The following PRMT9 variants were observed in gnomAD, a reference collection of about 807,000 sequenced individuals.
PRMT9 encodes the protein protein arginine N-methyltransferase 9.
PRMT9 carries 59 observed loss-of-function variants against 83.2 expected under a neutral mutation model. The ratio of observed to expected loss-of-function variants is 0.71; its 90% CI spans 0.57 to 0.88. The LOEUF (loss-of-function observed/expected upper bound fraction) is 0.88. PRMT9 is among the 40% of genes least tolerant of loss of function. The pLI, the probability that PRMT9 is intolerant of heterozygous loss-of-function variation, is 0.00. For synonymous variants in PRMT9, 333 were observed against 353.2 expected (o/e 0.94, Z 0.64); for missense variants, 947 against 1,021.9 (o/e 0.93, Z 1.00).
Position 147,680,447 on chromosome 4 carries a change from T to G in PRMT9, c.214A>C (p.Arg72=). The part of the protein sequence containing the change: ...VKETFQYTLF[R]WAEELDALSR... ...AGAGCATCAAGCTCTTCAGCCCATC[T>G]GAAAAGTGTGTACTGAAAAGTTTCC... is the stretch of plus-strand genomic sequence containing the variant. The change falls in exon 2 of 12, where the codon AGA becomes CGA. Residue 72 remains arginine (R), a synonymous_variant. Transcript: ENST00000322396. 6.2e-7 allele frequency: 1 copy of G among 1,614,042 alleles called. No individual in the cohort carries two copies. The highest frequency in any genetic ancestry group is 2.2e-5 in the East Asian group (1 of 44,880).
chr4:147,647,390 A>C (rs1458867156), intron 9 of PRMT9, among the ~76,000 whole-genome samples: 7 of 152,038 alleles, frequency 4.6e-5, no homozygotes, highest in African/African-American at 1.7e-4. Context: ...ATCCCCAACC[A>C]ATCAGCAGTA....
At position 147,683,861 on chromosome 4, in the gene PRMT9, T is replaced by C. The variant is rs1390479900; in HGVS notation, c.127A>G (p.Thr43Ala). 6.2e-7 allele frequency: 1 copy of C among 1,613,360 alleles called. No homozygotes were observed. The highest frequency in any genetic ancestry group is 1.3e-5 in the African/African-American group (1 of 74,800). ...ACGAGGAGGTAGTGGGCATAGGCAG[T>C]GCCGAAGTCCTGGACGCCCAGACAG... ...EHCLGVQDFG[T>A]AYAHYLLVLS... The change falls in exon 1 of 12, where the codon ACT (threonine) becomes GCT (alanine). Residue 43 changes from threonine to alanine, a missense_variant. Transcript: ENST00000322396.
chr4:147,652,504 G>T (rs898399428), intron 9 of PRMT9, among the ~76,000 whole-genome samples: 4 of 151,654 alleles, frequency 2.6e-5, no homozygotes, highest in African/African-American at 7.3e-5. Context: ...TGTACACATA[G>T]GATTTCATCA....
intron 6 of PRMT9, among the ~76,000 whole-genome samples, chr4:147,667,170 T>G (rs1387284286): frequency 3.9e-5 from 6 of 152,172 alleles, no homozygotes; most frequent in Admixed American, 6.5e-5. Flanking sequence ...GCCTGAAAAC[T>G]GTACATATTC....
At chr4:147,659,040 A>G (rs543300518) in intron 7 of PRMT9, among the ~76,000 whole-genome samples, 33 of 152,218 alleles carry the variant, frequency 2.2e-4, no homozygotes, top group East Asian at 5.8e-4. Flanking sequence ...GTAGTCGGGC[A>G]TGGTGGCGGG....
At chr4:147,648,202 C>T (rs931811005) in intron 9 of PRMT9, among the ~76,000 whole-genome samples, 1 of 152,082 alleles carries the variant, frequency 6.6e-6, no homozygotes, top group Non-Finnish European at 1.5e-5. Flanking sequence ...CTACCTAGCC[C>T]TAGGTTGGGG....
At chr4:147,673,525 C>G (rs958502660) in intron 3 of PRMT9, 113 bp downstream of exon 3, 2 of 799,652 alleles carry the variant, frequency 2.5e-6, no homozygotes, top group Non-Finnish European at 4.3e-6. Context: ...ATAACCCTAA[C>G]AAGATTATAA....
intron 8 of PRMT9, among the ~76,000 whole-genome samples, chr4:147,656,481 G>A (rs975952518): frequency 1.3e-5 from 2 of 152,004 alleles, no homozygotes; most frequent in African/African-American, 2.4e-5. Context: ...TTGTAGAAAT[G>A]AGGTCTTGCA....
intron 1 of PRMT9, among the ~76,000 whole-genome samples, chr4:147,682,558 C>A (rs1359699041): frequency 3.3e-5 from 5 of 151,906 alleles, no homozygotes; most frequent in African/African-American, 1.2e-4. Context: ...GATCCACCCG[C>A]CTCCGCCTCC....
At chr4:147,660,679 G>A (rs1427577681) in intron 7 of PRMT9, among the ~76,000 whole-genome samples, 167 bp downstream of exon 7, 2 of 152,024 alleles carry the variant, frequency 1.3e-5, no homozygotes, top group East Asian at 1.9e-4. Context: ...AAGGAAGAAA[G>A]CAAATAATTT....
intron 1 of PRMT9, among the ~76,000 whole-genome samples, 196 bp downstream of exon 1, chr4:147,683,603 C>T (rs905067583): frequency 2.0e-5 from 3 of 151,962 alleles, no homozygotes; most frequent in African/African-American, 7.3e-5. Context: ...GCACCCTAGC[C>T]CCTCCGCCTT....
At chr4:147,647,936 T>A (rs1733834090) in intron 9 of PRMT9, among the ~76,000 whole-genome samples, 1 of 152,102 alleles carries the variant, frequency 6.6e-6, no homozygotes, top group African/African-American at 2.4e-5. Flanking sequence ...TTGAGTTCAA[T>A]AATTTGCCAG....
intron 9 of PRMT9, among the ~76,000 whole-genome samples, chr4:147,651,084 A>C (rs1300514034): frequency 6.6e-6 from 1 of 151,880 alleles, no homozygotes; most frequent in East Asian, 1.9e-4. Context: ...GCCTGGACAA[A>C]AGAGTGAGAC....
At chr4:147,643,186 G>T (rs1733523875) in intron 9 of PRMT9, among the ~76,000 whole-genome samples, 1 of 152,082 alleles carries the variant, frequency 6.6e-6, no homozygotes, top group African/African-American at 2.4e-5. Flanking sequence ...AGGACTGCTT[G>T]AATCCAAGAG....
chr4:147,680,638 G>C (rs889356019), intron 1 of PRMT9, among the ~76,000 whole-genome samples, 167 bp from the exon 2 acceptor site: 7 of 152,184 alleles, frequency 4.6e-5, no homozygotes, highest in Non-Finnish European at 8.8e-5. Context: ...GTGCACAAAT[G>C]AATGAATTTT....
At chr4:147,648,150 T>C (rs1733849493) in intron 9 of PRMT9, among the ~76,000 whole-genome samples, 1 of 152,012 alleles carries the variant, frequency 6.6e-6, no homozygotes. Flanking sequence ...ATGGTAAGAG[T>C]ATCTTCTGTA....
chr4:147,659,639 C>T (rs925773337), intron 7 of PRMT9, among the ~76,000 whole-genome samples: 8 of 127,448 alleles, frequency 6.3e-5, no homozygotes, highest in African/African-American at 1.5e-4. Flanking sequence ...GGTGCAATGG[C>T]GCAATTTTGG....
chr4:147,643,853 G>A (rs188984226), intron 9 of PRMT9, among the ~76,000 whole-genome samples: 1 of 152,082 alleles, frequency 6.6e-6, no homozygotes, highest in Non-Finnish European at 1.5e-5. Context: ...CTAGCCAGGT[G>A]TGGTGGTGCA....
intron 9 of PRMT9, among the ~76,000 whole-genome samples, chr4:147,650,994 C>T (rs976515456): frequency 2.0e-5 from 3 of 151,776 alleles, no homozygotes; most frequent in Non-Finnish European, 4.4e-5. Context: ...CCCAGCTACT[C>T]GGGAGGCTGA....
Sources: gnomAD v4.1 joint callset for allele counts (sites outside exome capture counted in the v4.1 genomes callset) on GRCh38, gnomAD v4.1.1 for gene constraint, MANE v1.5 for transcripts, NCBI Gene and HGNC (gene_info 2026-07-23, HGNC 2026-07-21) for gene names.